The following PCBD2 variants were observed in gnomAD, a reference collection of about 807,000 sequenced individuals.
The protein encoded by PCBD2 is pterin-4-alpha-carbinolamine dehydratase 2.
Under a neutral mutation model 16.4 loss-of-function variants are expected in PCBD2, and 12 were observed. The ratio of observed to expected loss-of-function variants is 0.73; its 90% CI spans 0.47 to 1.19. PCBD2 has a LOEUF of 1.19. PCBD2 is among the 50% of genes most tolerant of loss of function. PCBD2 has a pLI of 0.00. For synonymous variants in PCBD2, 58 were observed against 61.8 expected, an observed-to-expected ratio of 0.94 and a Z score of 0.29; for missense variants, 138 against 156.8, an observed-to-expected ratio of 0.88 and a Z score of 0.64.
At chr5:134,908,148 C>G (rs1452689566) in intron 1 of PCBD2, among the ~76,000 whole-genome samples, 2 of 151,348 alleles carry the variant, frequency 1.3e-5, no homozygotes, top group African/African-American at 4.9e-5. Context: ...TCTTCAACTC[C>G]TGGCCTAAAA....
intron 2 of PCBD2, chr5:134,927,074 A>G (rs551420039): frequency 2.5e-6 from 1 of 398,554 alleles, no homozygotes; most frequent in East Asian, 3.6e-5. Context: ...ATGAGGATGT[A>G]AGTCCGTGGG....
chr5:134,917,974 G>A (rs1336623973), intron 2 of PCBD2, among the ~76,000 whole-genome samples: 3 of 152,336 alleles, frequency 2.0e-5, no homozygotes, highest in East Asian at 3.9e-4. Flanking sequence ...GATGATACCA[G>A]AAGAAAGACA....
intron 2 of PCBD2, among the ~76,000 whole-genome samples, chr5:134,914,969 A>G (rs1424827431): frequency 2.0e-5 from 3 of 152,156 alleles, no homozygotes; most frequent in Admixed American, 6.5e-5. Context: ...CACTGCACCC[A>G]GTTGACATCA....
chr5:134,931,944 T>A (rs975017511), intron 2 of PCBD2, among the ~76,000 whole-genome samples: 2 of 152,230 alleles, frequency 1.3e-5, no homozygotes, highest in African/African-American at 4.8e-5. Context: ...TTTATAATAC[T>A]GGATTGATCA....
intron 2 of PCBD2, 48 bp from the exon 3 acceptor site, chr5:134,958,992 A>G (rs367999636): frequency 1.3e-5 from 19 of 1,451,026 alleles, no homozygotes; most frequent in Non-Finnish European, 1.8e-5. Flanking sequence ...TCTCAGGCTT[A>G]GGGTAGAGGA....
intron 2 of PCBD2, among the ~76,000 whole-genome samples, chr5:134,953,416 CAT>C (rs1202389791): frequency 6.7e-6 from 1 of 149,182 alleles, no homozygotes; most frequent in Non-Finnish European, 1.5e-5. Flanking sequence ...GTATTATATA[CAT>C]ATATATGTAC....
At chr5:134,943,439 C>T (rs1480647975) in intron 2 of PCBD2, among the ~76,000 whole-genome samples, 1 of 152,210 alleles carries the variant, frequency 6.6e-6, no homozygotes, top group African/African-American at 2.4e-5. Context: ...CTGTTGATAG[C>T]ACTCAGAATG....
intron 2 of PCBD2, among the ~76,000 whole-genome samples, chr5:134,954,048 C>G (rs541342562): frequency 2.0e-5 from 3 of 152,222 alleles, no homozygotes; most frequent in South Asian, 2.1e-4. Flanking sequence ...GCCTCAGATT[C>G]CTGGGCTCGA....
chr5:134,956,553 C>A (rs1751417551), intron 2 of PCBD2, among the ~76,000 whole-genome samples: 1 of 152,172 alleles, frequency 6.6e-6, no homozygotes, highest in Non-Finnish European at 1.5e-5. Context: ...GAAATTGTGG[C>A]CACAGGGTGT....
rs115735029 is a variant in PCBD2 at position 134,912,385 on chromosome 5, C to T, written c.216+1919C>T. 8.1e-3 allele frequency among the ~76,000 whole-genome samples: 1,240 copies of T among 152,294 alleles called. 8 individuals are homozygous for T. The highest frequency in any genetic ancestry group is 0.037 in the Middle Eastern group (11 of 294). On this transcript the variant is annotated intron_variant, in intron 2 of 3. Transcript: ENST00000254908. ...ACACAACTAGGAACACACCTACAGT[C>T]GAACAAGTTGAGCTTATTGCTTATT... is the stretch of plus-strand genomic sequence containing the variant.
At position 134,910,470 on chromosome 5, in the gene PCBD2, A is replaced by G. The variant is rs553105573; in HGVS notation, c.216+4A>G. The G allele has an allele frequency of 1.2e-6, 2 of 1,613,834 alleles. No individual in the cohort carries two copies. ...CTCCTTCCACAATTTTAATCAGGTA[A>G]TTGTTATAAATTCTTGCTAGGGCTG... On this transcript the variant is annotated splice_donor_region_variant and intron_variant, in intron 2 of 3. Transcript: ENST00000254908.
intron 2 of PCBD2, among the ~76,000 whole-genome samples, chr5:134,937,251 TAATA>T (rs1751170922): frequency 6.6e-6 from 1 of 152,246 alleles, no homozygotes; most frequent in Admixed American, 6.5e-5. Context: ...GCTATTATAA[TAATA>T]TGGTTACTAT....
At chr5:134,929,751 G>T (rs1334569223) in intron 2 of PCBD2, among the ~76,000 whole-genome samples, 1 of 152,054 alleles carries the variant, frequency 6.6e-6, no homozygotes, top group East Asian at 1.9e-4. Context: ...GAGTACAGTG[G>T]TGTGATCATA....
chr5:134,910,708 A>G (rs1254159582), intron 2 of PCBD2, among the ~76,000 whole-genome samples: 2 of 152,268 alleles, frequency 1.3e-5, no homozygotes, highest in East Asian at 1.9e-4. Context: ...TGAAACCACT[A>G]TTGCTTTGGT....
chr5:134,943,484 A>G (rs1399240172), intron 2 of PCBD2, among the ~76,000 whole-genome samples: 1 of 152,230 alleles, frequency 6.6e-6, no homozygotes, highest in Non-Finnish European at 1.5e-5. Flanking sequence ...CTATTACTTT[A>G]AACTTTTACA....
At chr5:134,910,985 G>T (rs1186496292) in intron 2 of PCBD2, among the ~76,000 whole-genome samples, 1 of 152,082 alleles carries the variant, frequency 6.6e-6, no homozygotes, top group Non-Finnish European at 1.5e-5. Flanking sequence ...GCAGGGTCTG[G>T]CTATGTTGCC....
chr5:134,938,806 C>T (rs908078882), intron 2 of PCBD2, among the ~76,000 whole-genome samples: 12 of 152,058 alleles, frequency 7.9e-5, no homozygotes, highest in African/African-American at 2.9e-4. Flanking sequence ...AAACTATTTC[C>T]CATTTGTTTT....
intron 2 of PCBD2, among the ~76,000 whole-genome samples, chr5:134,930,607 G>C (rs1751081604): frequency 6.6e-6 from 1 of 152,184 alleles, no homozygotes; most frequent in African/African-American, 2.4e-5. Flanking sequence ...CATCAGAGAA[G>C]AAAATGGCTG....
intron 2 of PCBD2, among the ~76,000 whole-genome samples, chr5:134,944,032 C>G (rs1482130489): frequency 6.6e-6 from 1 of 152,060 alleles, no homozygotes; most frequent in South Asian, 2.1e-4. Flanking sequence ...TTGAAACCAC[C>G]CTTAAAAAAT....
Sources: gnomAD v4.1 joint callset for allele counts (sites outside exome capture counted in the v4.1 genomes callset) on GRCh38, gnomAD v4.1.1 for gene constraint, MANE v1.5 for transcripts, NCBI Gene and HGNC (gene_info 2026-07-23, HGNC 2026-07-21) for gene names.